CCDC91: variants seen among roughly 807,000 people sequenced by gnomAD.
CCDC91 encodes coiled-coil domain-containing protein 91.
CCDC91 carries 48 observed loss-of-function variants against 63.2 expected under a neutral mutation model. The observed-to-expected ratio is 0.76, with a 90% CI of 0.60 to 0.97. The LOEUF is 0.97. Among genes scored for constraint, CCDC91 ranks in the 50% least tolerant of loss-of-function variants. The pLI is 0.00. For missense variants in CCDC91, 500 were observed against 494.6 expected (o/e 1.01, Z -0.10); for synonymous variants, 167 against 165.8 (o/e 1.01, Z -0.06).
chr12:28,481,339 G>A (rs1201680332), intron 11 of CCDC91, among the ~76,000 whole-genome samples: 4 of 151,846 alleles, frequency 2.6e-5, no homozygotes, highest in Non-Finnish European at 5.9e-5. Flanking sequence ...TTACAGCAAA[G>A]GATTGTCAGT....
At chr12:28,213,136 C>A (rs535048256) in intron 1 of CCDC91, among the ~76,000 whole-genome samples, 42 of 152,292 alleles carry the variant, frequency 2.8e-4, no homozygotes, top group African/African-American at 1.0e-3. Context: ...GGAATGGCCT[C>A]TTTACCCACC....
intron 8 of CCDC91, among the ~76,000 whole-genome samples, chr12:28,411,723 A>G (rs535226140): frequency 1.3e-5 from 2 of 152,356 alleles, no homozygotes; most frequent in Admixed American, 6.5e-5. Flanking sequence ...AAATTTTCCT[A>G]TCACCTAGTG....
chr12:28,267,896 AT>A (rs1225299169), intron 3 of CCDC91, among the ~76,000 whole-genome samples: 4 of 83,234 alleles, frequency 4.8e-5, no homozygotes, highest in African/African-American at 1.4e-4. Flanking sequence ...TTATAATTAT[AT>A]ATAATTATAT....
At chr12:28,402,269 C>T (rs11494780) in intron 8 of CCDC91, among the ~76,000 whole-genome samples, 30,681 of 152,044 alleles carry the variant, frequency 0.2, 4,070 homozygotes, top group Non-Finnish European at 0.3. Context: ...TATCTATGAA[C>T]GTTGACTGTC....
chr12:28,532,599 A>G (rs1369884093), intron 12 of CCDC91, among the ~76,000 whole-genome samples: 2 of 152,046 alleles, frequency 1.3e-5, no homozygotes, highest in Non-Finnish European at 2.9e-5. Flanking sequence ...ATATGTTTAT[A>G]TATTTTTTAA....
At chr12:28,436,062 T>C (rs1948888985) in intron 8 of CCDC91, among the ~76,000 whole-genome samples, 1 of 151,858 alleles carries the variant, frequency 6.6e-6, no homozygotes, top group African/African-American at 2.4e-5. Context: ...TGTCTTTTAA[T>C]TGTTGTATTT....
chr12:28,439,001 A>T (rs1415249465), intron 8 of CCDC91, among the ~76,000 whole-genome samples: 2 of 152,202 alleles, frequency 1.3e-5, no homozygotes, highest in East Asian at 3.8e-4. Flanking sequence ...ATATAGAGAC[A>T]TCATATGAAA....
intron 3 of CCDC91, among the ~76,000 whole-genome samples, chr12:28,278,778 T>G (rs1948410257): frequency 6.6e-6 from 1 of 152,074 alleles, no homozygotes. Flanking sequence ...TTATACAGAC[T>G]TGGATATGAA....
intron 12 of CCDC91, among the ~76,000 whole-genome samples, chr12:28,530,457 A>G (rs1941640464): frequency 6.6e-6 from 1 of 152,224 alleles, no homozygotes; most frequent in Non-Finnish European, 1.5e-5. Flanking sequence ...AGCAGAGACA[A>G]GCTGTCCCAG....
intron 12 of CCDC91, among the ~76,000 whole-genome samples, chr12:28,514,752 C>A (rs1939753477): frequency 6.6e-6 from 1 of 151,836 alleles, no homozygotes; most frequent in Admixed American, 6.6e-5. Context: ...GGAGTTCTTT[C>A]CCCATTGCTT....
chr12:28,433,970 G>A (rs540759621), intron 8 of CCDC91, among the ~76,000 whole-genome samples: 147 of 151,930 alleles, frequency 9.7e-4, no homozygotes, highest in Non-Finnish European at 1.8e-3. Context: ...AAATAGTAAT[G>A]TGTTTTTAAT....
intron 1 of CCDC91, among the ~76,000 whole-genome samples, chr12:28,244,668 A>G (rs1458366815): frequency 2.6e-5 from 4 of 151,568 alleles, no homozygotes; most frequent in African/African-American, 4.9e-5. Context: ...TTGGCTGGGA[A>G]CTTAATTAGG....
chr12:28,542,893 G>A (rs1359007384), intron 12 of CCDC91, among the ~76,000 whole-genome samples: 1 of 152,020 alleles, frequency 6.6e-6, no homozygotes, highest in Non-Finnish European at 1.5e-5. Flanking sequence ...TAACAATCTG[G>A]AAAATAACTG....
intron 11 of CCDC91, among the ~76,000 whole-genome samples, chr12:28,459,135 A>G (rs1457398809): frequency 6.6e-6 from 1 of 152,020 alleles, no homozygotes; most frequent in Non-Finnish European, 1.5e-5. Flanking sequence ...ATACTGCACC[A>G]TCAGCCTAGA....
At chr12:28,525,676 C>G (rs1409919957) in intron 12 of CCDC91, among the ~76,000 whole-genome samples, 2 of 152,028 alleles carry the variant, frequency 1.3e-5, no homozygotes, top group African/African-American at 4.8e-5. Context: ...TCTTGATGAC[C>G]TGTCTCGTGC....
chr12:28,306,300 A>C (rs1324516916), intron 4 of CCDC91, among the ~76,000 whole-genome samples: 1 of 152,070 alleles, frequency 6.6e-6, no homozygotes. Flanking sequence ...GCTGTACACA[A>C]TTTTGAGTCA....
At chr12:28,503,752 G>T (rs1031303367) in intron 12 of CCDC91, among the ~76,000 whole-genome samples, 1 of 152,106 alleles carries the variant, frequency 6.6e-6, no homozygotes, top group African/African-American at 2.4e-5. Flanking sequence ...ATACTATGCA[G>T]CCATAAAAAA....
chr12:28,455,363 C>A (rs1212376028), intron 11 of CCDC91, among the ~76,000 whole-genome samples: 1 of 152,082 alleles, frequency 6.6e-6, no homozygotes, highest in Non-Finnish European at 1.5e-5. Context: ...AAATTAGTTT[C>A]GTTGCAAGAC....
At chr12:28,208,783 G>T (rs1443383812) in intron 1 of CCDC91, among the ~76,000 whole-genome samples, 2 of 152,150 alleles carry the variant, frequency 1.3e-5, no homozygotes, top group South Asian at 4.2e-4. Flanking sequence ...AAAAGGCAAA[G>T]AAAATCTTTC....
Sources: allele counts gnomAD v4.1 joint callset (sites outside exome capture counted in the v4.1 genomes callset), GRCh38; gene constraint gnomAD v4.1.1; transcripts MANE v1.5; gene names NCBI Gene and HGNC (gene_info 2026-07-23, HGNC 2026-07-21).